Variants in NR2F1-AS1 observed in about 807,000 individuals in gnomAD.
The protein encoded by NR2F1-AS1 is NR2F1 regulatory antisense RNA 1.
intron 4 of NR2F1-AS1, among the ~76,000 whole-genome samples, chr5:93,483,341 C>T (rs1018007649): frequency 6.6e-6 from 1 of 152,156 alleles, no homozygotes; most frequent in African/African-American, 2.4e-5. Context: ...CTCCAGCAGA[C>T]CTGCAGCAGA....
intron 4 of NR2F1-AS1, among the ~76,000 whole-genome samples, chr5:93,470,164 A>G (rs1022616746): frequency 2.6e-5 from 4 of 152,006 alleles, no homozygotes; most frequent in African/African-American, 9.7e-5. Context: ...TTAATGAAAT[A>G]TAACATTGCC....
chr5:93,467,507 C>G (rs1231342769), intron 4 of NR2F1-AS1, among the ~76,000 whole-genome samples: 2 of 152,182 alleles, frequency 1.3e-5, no homozygotes, highest in Non-Finnish European at 2.9e-5. Flanking sequence ...CAGGCCAGTG[C>G]TCCGTTCAGT....
chr5:93,540,881 T>C (rs1314704504), intron 4 of NR2F1-AS1, among the ~76,000 whole-genome samples: 1 of 152,176 alleles, frequency 6.6e-6, no homozygotes. Flanking sequence ...GGTCACTCCG[T>C]TCTACTGTGC....
intron 4 of NR2F1-AS1, among the ~76,000 whole-genome samples, chr5:93,529,975 T>C (rs1312832453): frequency 6.7e-6 from 1 of 150,180 alleles, no homozygotes; most frequent in Non-Finnish European, 1.5e-5. Flanking sequence ...TGTCCAAAAA[T>C]AAATCACAGA....
rs577491849 is a variant in NR2F1-AS1 at position 93,537,466 on chromosome 5, C to A, written n.638+16295G>T. Among the ~76,000 whole-genome samples the A allele has an allele frequency of 1.2e-3, 188 of 152,058 alleles. 1 individual carries two copies. Among genetic ancestry groups the A allele is most frequent in the African/African-American group, 4.4e-3 (182 of 41,502 alleles). On this transcript the variant is annotated intron_variant and non_coding_transcript_variant, in intron 4 of 5. Coordinates refer to ENST00000660523, the Ensembl canonical transcript of NR2F1-AS1. ...GAATATATAAGGAACTTAACAACAA[C>A]AAAAAACTCAATTTTAAAATGGGCA...
intron 4 of NR2F1-AS1, among the ~76,000 whole-genome samples, chr5:93,510,791 T>C (rs1751279000): frequency 6.6e-6 from 1 of 152,214 alleles, no homozygotes; most frequent in African/African-American, 2.4e-5. Context: ...TAGGTCTCTC[T>C]GTGCTATTCA....
chr5:93,503,908 G>A (rs1751134259), intron 4 of NR2F1-AS1, among the ~76,000 whole-genome samples: 1 of 151,226 alleles, frequency 6.6e-6, no homozygotes, highest in Non-Finnish European at 1.5e-5. Context: ...AATCACACAT[G>A]AGCATGGCTA....
chr5:93,547,579 T>C (rs1752118893), intron 4 of NR2F1-AS1, among the ~76,000 whole-genome samples: 1 of 152,236 alleles, frequency 6.6e-6, no homozygotes, highest in Admixed American at 6.5e-5. Context: ...ACACTTATGC[T>C]ATTTTAGTGC....
chr5:93,454,592 T>A (rs758956720), intron 4 of NR2F1-AS1, among the ~76,000 whole-genome samples: 1 of 152,254 alleles, frequency 6.6e-6, no homozygotes, highest in Admixed American at 6.5e-5. Flanking sequence ...TCTAACGAGG[T>A]AACTCTTGGC....
At chr5:93,473,847 T>C (rs928680345) in intron 4 of NR2F1-AS1, among the ~76,000 whole-genome samples, 5 of 151,922 alleles carry the variant, frequency 3.3e-5, no homozygotes, top group African/African-American at 1.2e-4. Context: ...GATAACCTAC[T>C]CATGGATACT....
intron 4 of NR2F1-AS1, among the ~76,000 whole-genome samples, chr5:93,458,169 G>A (rs1038345842): frequency 6.6e-6 from 1 of 152,126 alleles, no homozygotes; most frequent in African/African-American, 2.4e-5. Flanking sequence ...AGTGGGCCCA[G>A]GGGACCGGCG....
At chr5:93,520,741 A>G (rs1751484061) in intron 4 of NR2F1-AS1, among the ~76,000 whole-genome samples, 1 of 152,170 alleles carries the variant, frequency 6.6e-6, no homozygotes, top group Admixed American at 6.5e-5. Context: ...GGAAGGTGAT[A>G]GACACAGCTG....
intron 4 of NR2F1-AS1, among the ~76,000 whole-genome samples, chr5:93,549,820 T>C (rs1554071324): frequency 1.3e-5 from 2 of 152,136 alleles, no homozygotes; most frequent in African/African-American, 4.8e-5. Flanking sequence ...TGCAGGGACA[T>C]GGATGAAGCT....
intron 1 of NR2F1-AS1, among the ~76,000 whole-genome samples, chr5:93,577,598 G>A (rs1323298874): frequency 6.6e-6 from 1 of 152,134 alleles, no homozygotes; most frequent in Admixed American, 6.5e-5. Flanking sequence ...ACATTAGATG[G>A]GCATTCCTGC....
intron 4 of NR2F1-AS1, among the ~76,000 whole-genome samples, chr5:93,467,644 T>G (rs1029835304): frequency 6.6e-6 from 1 of 152,230 alleles, no homozygotes; most frequent in African/African-American, 2.4e-5. Context: ...GAATCCTTTG[T>G]TAGATAACAA....
chr5:93,516,211 A>G (rs1751398677), intron 4 of NR2F1-AS1, among the ~76,000 whole-genome samples: 1 of 151,878 alleles, frequency 6.6e-6, no homozygotes, highest in Non-Finnish European at 1.5e-5. Context: ...AAAGGAAGTA[A>G]ACAAGGTCAA....
rs540408529 is a variant in NR2F1-AS1, at chr5:93,428,594, C to T, written n.639-33052G>A. On this transcript the variant is annotated intron_variant and non_coding_transcript_variant, in intron 4 of 5. Coordinates refer to ENST00000660523, the Ensembl canonical transcript of NR2F1-AS1. ...TGTTTCCAGTTTTGTATTTTAAAAT[C>T]CAAGTGTATTCCATAGAGTTAAATA... Among the ~76,000 whole-genome samples the T allele has an allele frequency of 5.2e-3, 789 of 152,142 alleles. 2 individuals carry two copies. Among genetic ancestry groups the T allele is most frequent in the Non-Finnish European group, 8.1e-3 (553 of 67,974 alleles).
At chr5:93,494,945 G>C (rs897763114) in intron 4 of NR2F1-AS1, among the ~76,000 whole-genome samples, 1 of 152,110 alleles carries the variant, frequency 6.6e-6, no homozygotes, top group African/African-American at 2.4e-5. Flanking sequence ...AGAACAACAG[G>C]TCACATATTG....
intron 4 of NR2F1-AS1, among the ~76,000 whole-genome samples, chr5:93,540,010 A>G (rs1751917423): frequency 6.6e-6 from 1 of 152,224 alleles, no homozygotes; most frequent in South Asian, 2.1e-4. Flanking sequence ...CATGTACAAC[A>G]AAAAAGCAAA....
Sources: allele counts gnomAD v4.1 joint callset (sites outside exome capture counted in the v4.1 genomes callset), GRCh38; gene constraint gnomAD v4.1.1; transcripts MANE v1.5; gene names NCBI Gene and HGNC (gene_info 2026-07-23, HGNC 2026-07-21).